The following NTM variants were observed in gnomAD, a reference collection of about 807,000 sequenced individuals.
The protein encoded by NTM is IgLON family member 2.
A neutral mutation model predicts 42.1 loss-of-function variants in NTM; 13 were observed. The observed-to-expected ratio is 0.31, with a 90% confidence interval of 0.20 to 0.49. NTM has a LOEUF of 0.49. NTM is among the 20% of genes least tolerant of loss of function. The probability of loss-of-function intolerance (pLI) is 0.99; values close to 1 mark genes in which losing one functional copy is unlikely to be tolerated. For synonymous variants in NTM, 187 were observed against 179.2 expected, an observed-to-expected ratio of 1.04 and a Z score of -0.35; for missense variants, 373 against 452.8, an observed-to-expected ratio of 0.82 and a Z score of 1.60.
intron 2 of NTM, among the ~76,000 whole-genome samples, chr11:131,997,943 C>T (rs1450595699): frequency 2.0e-5 from 3 of 152,106 alleles, no homozygotes; most frequent in African/African-American, 7.2e-5. Flanking sequence ...TCCCTCTCTC[C>T]CACCTCCCCT....
At chr11:131,479,787 T>C (rs1360280347) in intron 1 of NTM, among the ~76,000 whole-genome samples, 3 of 152,144 alleles carry the variant, frequency 2.0e-5, no homozygotes, top group Non-Finnish European at 4.4e-5. Context: ...GATATGCAAT[T>C]GTGTGTGAGA....
At chr11:132,277,772 T>C (rs1043204705) in intron 4 of NTM, among the ~76,000 whole-genome samples, 14 of 152,264 alleles carry the variant, frequency 9.2e-5, no homozygotes, top group African/African-American at 3.4e-4. Flanking sequence ...AAAATGAGAT[T>C]GTTACAATAT....
chr11:131,526,795 CA>C (rs1170970566), intron 1 of NTM, among the ~76,000 whole-genome samples: 4 of 152,190 alleles, frequency 2.6e-5, no homozygotes, highest in Non-Finnish European at 4.4e-5. Flanking sequence ...TGATTTGAAT[CA>C]GGGGCTGGAG....
At chr11:131,658,480 A>G (rs985301195) in intron 1 of NTM, among the ~76,000 whole-genome samples, 3 of 152,190 alleles carry the variant, frequency 2.0e-5, no homozygotes, top group Non-Finnish European at 2.9e-5. Context: ...CTACATGGAC[A>G]CGTCACTATG....
At chr11:131,703,485 G>C (rs1592629084) in intron 1 of NTM, among the ~76,000 whole-genome samples, 1 of 152,174 alleles carries the variant, frequency 6.6e-6, no homozygotes, top group Non-Finnish European at 1.5e-5. Flanking sequence ...GATGAATTTG[G>C]CTGCATTAAG....
chr11:132,087,382 C>A (rs1444996529), intron 2 of NTM, among the ~76,000 whole-genome samples: 1 of 152,210 alleles, frequency 6.6e-6, no homozygotes, highest in African/African-American at 2.4e-5. Flanking sequence ...AAGAATTAGT[C>A]ATGCTCACCT....
intron 1 of NTM, among the ~76,000 whole-genome samples, chr11:131,813,320 T>G (rs1416458488): frequency 2.6e-5 from 4 of 152,134 alleles, no homozygotes; most frequent in African/African-American, 9.7e-5. Context: ...TCAAAACATA[T>G]CTAGTAAGAA....
intron 4 of NTM, among the ~76,000 whole-genome samples, chr11:132,246,530 C>G (rs2091192468): frequency 6.6e-6 from 1 of 152,216 alleles, no homozygotes; most frequent in South Asian, 2.1e-4. Context: ...CACTCTCCCC[C>G]TCCTCCAATT....
At chr11:131,403,524 C>T (rs1385587516) in intron 1 of NTM, among the ~76,000 whole-genome samples, 6 of 152,100 alleles carry the variant, frequency 3.9e-5, no homozygotes, top group African/African-American at 1.4e-4. Flanking sequence ...AACAAACAAA[C>T]AAACAACAAG....
Position 132,134,863 on chromosome 11 carries a change from C to A in NTM, c.168-11419C>A, listed in dbSNP as rs143001414. On this transcript the variant is annotated intron_variant, in intron 2 of 8. Coordinates refer to ENST00000683400, the MANE Select transcript of NTM (RefSeq NM_001352005.2). ...GCTATATACATGCGTGTGCAAGTAT[C>A]TTTTTCGTATTATATAATGACTTCT... Among the ~76,000 whole-genome samples the A allele has an allele frequency of 4.7e-3, 705 of 150,822 alleles. 5 individuals carry two copies. Among genetic ancestry groups the A allele is most frequent in the Non-Finnish European group, 4.3e-3 (292 of 67,736 alleles).
intron 1 of NTM, among the ~76,000 whole-genome samples, chr11:131,562,661 C>T (rs920866420): frequency 6.6e-6 from 1 of 152,154 alleles, no homozygotes; most frequent in Non-Finnish European, 1.5e-5. Context: ...ACTTTTCCTT[C>T]GTGTTTCTTA....
chr11:132,137,381 T>A (rs1331820756), intron 2 of NTM, among the ~76,000 whole-genome samples: 1 of 152,224 alleles, frequency 6.6e-6, no homozygotes, highest in Non-Finnish European at 1.5e-5. Context: ...CAAGCTCAAG[T>A]GTGCTACCAT....
At chr11:132,141,925 G>A (rs767055430) in intron 2 of NTM, among the ~76,000 whole-genome samples, 2 of 152,196 alleles carry the variant, frequency 1.3e-5, no homozygotes, top group Non-Finnish European at 2.9e-5. Context: ...GACACAGAAG[G>A]CTAATGGCCA....
At chr11:132,124,718 T>C (rs1268161946) in intron 2 of NTM, among the ~76,000 whole-genome samples, 1 of 152,256 alleles carries the variant, frequency 6.6e-6, no homozygotes, top group Non-Finnish European at 1.5e-5. Flanking sequence ...GTCTCATGCA[T>C]GTAATTCCAG....
intron 1 of NTM, among the ~76,000 whole-genome samples, chr11:131,446,139 A>T (rs1037981067): frequency 6.6e-6 from 1 of 152,212 alleles, no homozygotes; most frequent in African/African-American, 2.4e-5. Context: ...TACTGGAGGA[A>T]GGGCTATCTT....
chr11:131,437,945 G>GC (rs1949288743), intron 1 of NTM, among the ~76,000 whole-genome samples: 1 of 152,104 alleles, frequency 6.6e-6, no homozygotes, highest in Non-Finnish European at 1.5e-5. Context: ...CATGTTTAGT[G>GC]TTCCTTCAGG....
chr11:131,700,585 C>T (rs758162631), intron 1 of NTM, among the ~76,000 whole-genome samples: 31 of 152,168 alleles, frequency 2.0e-4, no homozygotes, highest in Non-Finnish European at 2.1e-4. Flanking sequence ...TTACTGTGTG[C>T]CAGGCACATA....
At chr11:131,788,351 T>C (rs1488506162) in intron 1 of NTM, among the ~76,000 whole-genome samples, 1 of 152,150 alleles carries the variant, frequency 6.6e-6, no homozygotes, top group Non-Finnish European at 1.5e-5. Context: ...TTTCATTTTA[T>C]ATAATTGCCT....
At chr11:131,763,855 C>A (rs1193828355) in intron 1 of NTM, among the ~76,000 whole-genome samples, 1 of 151,360 alleles carries the variant, frequency 6.6e-6, no homozygotes, top group Non-Finnish European at 1.5e-5. Context: ...AATTCTTCAG[C>A]TTTAGCCTTC....
Sources: gnomAD v4.1 joint callset for allele counts (sites outside exome capture counted in the v4.1 genomes callset) on GRCh38, gnomAD v4.1.1 for gene constraint, MANE v1.5 for transcripts, NCBI Gene and HGNC (gene_info 2026-07-23, HGNC 2026-07-21) for gene names.